DNAH9: variants seen among roughly 807,000 people sequenced by gnomAD.
DNAH9 encodes dynein axonemal heavy chain 9, also known as DNAH9 variant protein.
In DNAH9, 345 loss-of-function variants were observed where a neutral mutation model predicts 471.6. The observed-to-expected ratio is 0.73, with a 90% CI of 0.67 to 0.80. The LOEUF (loss-of-function observed/expected upper bound fraction) is 0.80. DNAH9 is among the 30% of genes least tolerant of loss of function. The pLI is 0.00. For synonymous variants in DNAH9, 2,093 were observed against 2,123.6 expected, an observed-to-expected ratio of 0.99 and a Z score of 0.40; for missense variants, 5,407 against 5,609.2, an observed-to-expected ratio of 0.96 and a Z score of 1.15.
At position 11,727,930 on chromosome 17, in the gene DNAH9, C is replaced by T. The variant is rs200245235; in HGVS notation, c.5814+8C>T. ...TCAGTGGTGGCAGTGCAGGTAAGGG[C>T]CAGAAGTTGGTGGGAGCCTTGTGGT... On this transcript the variant is annotated splice_region_variant and intron_variant, in intron 28 of 68. Transcript: ENST00000262442. 841 of 1,592,986 alleles carry T rather than the reference C, an allele frequency of 5.3e-4. 1 individual carries two copies. The highest frequency in any genetic ancestry group is 6.7e-4 in the Non-Finnish European group (780 of 1,160,850).
chr17:11,711,901 T>A (rs796153211), intron 26 of DNAH9, among the ~76,000 whole-genome samples: 1 of 12,830 alleles, frequency 7.8e-5, no homozygotes, highest in South Asian at 2.0e-3. Context: ...TATAAATATA[T>A]ATATTTGTAT....
Position 11,834,711 on chromosome 17 carries a change from T to G in DNAH9, c.9320T>G (p.Leu3107Arg). The change falls in exon 49 of 69, where the codon CTG (leucine) becomes CGG (arginine). Residue 3107 changes from leucine (L) to arginine (R), a missense_variant. By Grantham distance (102) the Leu-to-Arg change is moderately radical. Transcript: ENST00000262442. ...LKQKNEDADK[L>R]IQVVGVETDK... ...CAGAAAAATGAAGATGCAGACAAAC[T>G]GATTCAGGTCGTGGGTGTGGAGACT... is the stretch of plus-strand genomic sequence containing the variant. 1.2e-6 allele frequency: 2 copies of G among 1,614,006 alleles called. No individual in the cohort carries two copies. The highest frequency in any genetic ancestry group is 1.7e-6 in the Non-Finnish European group (2 of 1,179,982).
At chr17:11,777,254 G>A (rs1968471086) in intron 38 of DNAH9, among the ~76,000 whole-genome samples, 1 of 152,114 alleles carries the variant, frequency 6.6e-6, no homozygotes, top group African/African-American at 2.4e-5. Flanking sequence ...GAAAATTTGA[G>A]ATCAATTTTT....
intron 15 of DNAH9, among the ~76,000 whole-genome samples, chr17:11,668,681 A>C (rs938946410): frequency 2.6e-5 from 4 of 151,782 alleles, no homozygotes; most frequent in Non-Finnish European, 4.4e-5. Context: ...AAAAAAAAAA[A>C]AAAAACAATC....
At chr17:11,698,262 TA>T (rs66599856) in intron 22 of DNAH9, among the ~76,000 whole-genome samples, 96,183 of 125,322 alleles carry the variant, frequency 0.77, 37,010 homozygotes, top group East Asian at 0.9. Flanking sequence ...TAATATATAA[TA>T]ATTATATAAT....
intron 6 of DNAH9, among the ~76,000 whole-genome samples, chr17:11,624,853 A>G (rs1375297806): frequency 6.6e-6 from 1 of 152,170 alleles, no homozygotes; most frequent in Non-Finnish European, 1.5e-5. Flanking sequence ...AATTTTTGCC[A>G]TACAATTTCT....
chr17:11,702,470 G>A (rs1348404449), intron 24 of DNAH9, among the ~76,000 whole-genome samples: 1 of 152,196 alleles, frequency 6.6e-6, no homozygotes, highest in African/African-American at 2.4e-5. Flanking sequence ...AGATAAGATT[G>A]CCCTTGCAAA....
In DNAH9 at chr17:11,766,687, G is replaced by A. The variant is rs1244735618; in HGVS notation, c.7171-1766G>A. 3.9e-5 allele frequency among the ~76,000 whole-genome samples: 6 copies of A among 152,298 alleles called. No individual in the cohort carries two copies. In the East Asian group the frequency reaches 1.2e-3, roughly 30 times the overall value. On this transcript the variant is annotated intron_variant, in intron 36 of 68. Coordinates refer to ENST00000262442, the MANE Select transcript of DNAH9 (RefSeq NM_001372.4). ...GGAATTAAGAAAGGATCATTGGGCT[G>A]GGTGCGGTGGCTCACGCCTGTAATC...
Position 11,704,329 on chromosome 17 carries a change from CTTATCACCATGCTGAT to C in DNAH9, c.5280_5295del (p.Ile1761AlafsTer12). ...GAAGCAAGTGGCCCAGCTCAAAACC[CTTATCACCATGCTGAT>C]TGGCCAGCTCTCCAAGGGAGACCGG... On this transcript the variant is annotated frameshift_variant, in exon 25 of 69. Coordinates refer to ENST00000262442, the MANE Select transcript of DNAH9 (RefSeq NM_001372.4). LOFTEE classifies it high-confidence loss of function. 6.2e-7 allele frequency: 1 copy of C among 1,614,182 alleles called. No individual in the cohort carries two copies. Among genetic ancestry groups the C allele is most frequent in the Non-Finnish European group, 8.5e-7 (1 of 1,180,040 alleles).
chr17:11,654,310 T>G lies in DNAH9; in HGVS notation c.2595+1308T>G, dbSNP rs12947965. ...GGCGGAGCTTGCAGTGAGCCGAGAT[T>G]GCGCCACTGCACTCCAGCCTGGGCC... On this transcript the variant is annotated intron_variant, in intron 14 of 68. Transcript: ENST00000262442. 3.1e-4 allele frequency among the ~76,000 whole-genome samples: 20 copies of G among 63,598 alleles called. 4 individuals are homozygous for G. The highest frequency in any genetic ancestry group is 8.4e-4 in the African/African-American group (17 of 20,166). The allele number at this position is 63,598 out of a possible 152,430, so 41.7% of individuals were successfully genotyped here.
At chr17:11,612,266 C>T in intron 4 of DNAH9, 1 of 229,266 alleles carries the variant, frequency 4.4e-6, no homozygotes, top group Non-Finnish European at 8.8e-6. Context: ...TCTGGCAAGA[C>T]AGCCTAACCA....
rs11654826 is a variant in DNAH9 at position 11,623,426 on chromosome 17, T to C, written c.1350+3645T>C. 0.88 allele frequency among the ~76,000 whole-genome samples: 134,250 copies of C among 151,952 alleles called. 61,249 individuals carry two copies. Among genetic ancestry groups the C allele is most frequent in the East Asian group, 1 (5,151 of 5,152 alleles). On this transcript the variant is annotated intron_variant, in intron 6 of 68. Transcript: ENST00000262442. The surrounding 1 kb of genome is among the most constrained non-coding windows in gnomAD (Gnocchi z 4.1). ...CCCTGAATTTCCATGTGTTTTCATC[T>C]TCCCACGGCTACTCCTTGCCCCTTT...
At chr17:11,740,487 C>A (rs1404885463) in intron 29 of DNAH9, among the ~76,000 whole-genome samples, 1 of 152,156 alleles carries the variant, frequency 6.6e-6, no homozygotes, top group African/African-American at 2.4e-5. Context: ...GATGAGCTAG[C>A]TCTCTGGGTA....
intron 10 of DNAH9, among the ~76,000 whole-genome samples, chr17:11,643,606 T>G (rs1341000048): frequency 3.9e-5 from 6 of 152,250 alleles, no homozygotes; most frequent in Admixed American, 6.5e-5. Flanking sequence ...AACCTATGTC[T>G]GTGGTCTAGA....
At chr17:11,857,687 G>A (rs1971674973) in intron 50 of DNAH9, among the ~76,000 whole-genome samples, 1 of 152,204 alleles carries the variant, frequency 6.6e-6, no homozygotes, top group South Asian at 2.1e-4. Flanking sequence ...ATGTTGAATT[G>A]TAATCCCCAG....
rs773777089 is a variant in DNAH9 at position 11,929,906 on chromosome 17, A to G, written c.11918A>G (p.Lys3973Arg). ...LVAKWLSTLE[K>R]KLEEHSENSH... ...GCCAAGTGGCTCAGCACCCTGGAGAAGAAGCTGGAGGAGCACAGTGAGAAC... is the reference window on the plus strand; with the variant it reads ...GCCAAGTGGCTCAGCACCCTGGAGAGGAAGCTGGAGGAGCACAGTGAGAAC... Residue 3973 changes from lysine (K) to arginine (R), a missense_variant, in exon 63 of 69, where the codon AAG becomes AGG. Lys to Arg is a conservative substitution (Grantham distance 26, BLOSUM62 2). This residue lies in a region of DNAH9 where 4,636 missense variants were observed against 4,900.3 expected (regional missense o/e 0.95). Coordinates refer to ENST00000262442, the MANE Select transcript of DNAH9 (RefSeq NM_001372.4). The G allele has an allele frequency of 6.2e-7, 1 of 1,614,046 alleles. No homozygotes were observed. Among genetic ancestry groups the G allele is most frequent in the Non-Finnish European group, 8.5e-7 (1 of 1,179,978 alleles).
chr17:11,836,997 C>T (rs912966382), intron 49 of DNAH9, among the ~76,000 whole-genome samples: 1 of 152,098 alleles, frequency 6.6e-6, no homozygotes, highest in Admixed American at 6.6e-5. Flanking sequence ...TAATACCATT[C>T]CCATTACGTT....
chr17:11,948,089 C>T (rs1287903337), intron 67 of DNAH9, among the ~76,000 whole-genome samples: 7 of 151,530 alleles, frequency 4.6e-5, no homozygotes, highest in Non-Finnish European at 1.0e-4. Flanking sequence ...ATCATTCAAA[C>T]GTGTGATGGC....
At chr17:11,810,201 G>A (rs1264930181) in intron 44 of DNAH9, 45 bp from the exon 45 acceptor site, 9 of 1,577,744 alleles carry the variant, frequency 5.7e-6, no homozygotes, top group African/African-American at 1.4e-5. Context: ...TCTCTTTCAA[G>A]GAGGCCTTCT....
Sources: gnomAD v4.1 joint callset for allele counts (sites outside exome capture counted in the v4.1 genomes callset) on GRCh38, gnomAD v4.1.1 for gene constraint, gnomAD v4.1.1 regional missense constraint, Gnocchi (gnomAD v3.1) non-coding constraint, MANE v1.5 for transcripts, NCBI Gene and HGNC (gene_info 2026-07-23, HGNC 2026-07-21) for gene names.